DCAF6: variants seen among roughly 807,000 people sequenced by gnomAD.
DCAF6 encodes the protein DDB1- and CUL4-associated factor 6.
Under a neutral mutation model 125.1 loss-of-function variants are expected in DCAF6, and 54 were observed. That is an observed-to-expected ratio of 0.43 (90% CI 0.35 to 0.54). The LOEUF (loss-of-function observed/expected upper bound fraction) is 0.54. DCAF6 is among the 20% of genes least tolerant of loss of function. The pLI is 0.01. For synonymous variants in DCAF6, 371 were observed against 390.4 expected (o/e 0.95, Z 0.58); for missense variants, 934 against 1,161.7 (o/e 0.80, Z 2.85).
At chr1:167,868,271 G>A in the DCAF6 span, among the ~76,000 whole-genome samples, 3 of 152,254 alleles carry the variant, frequency 2.0e-5, no homozygotes, top group East Asian at 1.9e-4. Flanking sequence ...TAAGAAGCCC[G>A]AGAATTAGTG....
At chr1:167,958,741 T>G (rs1245170251) in intron 2 of DCAF6, among the ~76,000 whole-genome samples, 1 of 152,220 alleles carries the variant, frequency 6.6e-6, no homozygotes, top group Non-Finnish European at 1.5e-5. Flanking sequence ...AGAGCAGTTT[T>G]AGGTTCATAG....
chr1:168,005,737 G>T (rs1236188928), intron 10 of DCAF6, among the ~76,000 whole-genome samples: 2 of 152,092 alleles, frequency 1.3e-5, no homozygotes, highest in Non-Finnish European at 2.9e-5. Flanking sequence ...AATATGGGAT[G>T]TTTTAATTTA....
In DCAF6 at chr1:167,958,281, T is replaced by C. The variant is rs1675065413; in HGVS notation, c.159+6420T>C. The stretch of plus-strand genomic sequence containing the variant: ...TATAGTTTTAGCTCTTCTGTTTAGA[T>C]ATTTGATCTATTTTCAGTTAATTTT... On this transcript the variant is annotated intron_variant, in intron 2 of 21. Coordinates refer to ENST00000367840, the MANE Select transcript of DCAF6 (RefSeq NM_001198956.2). Among the ~76,000 whole-genome samples, 7 of 152,082 alleles carry C rather than the reference T, an allele frequency of 4.6e-5. No homozygotes were observed. The South Asian group carries it at 1.4e-3, about 31-fold the overall frequency.
At chr1:167,877,843 G>A in the DCAF6 span, among the ~76,000 whole-genome samples, 1 of 152,296 alleles carries the variant, frequency 6.6e-6, no homozygotes, top group African/African-American at 2.4e-5. Context: ...TTAGGTGGGT[G>A]CTGATGAGGA....
chr1:167,936,842 C>A lies in DCAF6; in HGVS notation c.-70C>A. The A allele has an allele frequency of 7.4e-7, 1 of 1,344,286 alleles. No individual in the cohort carries two copies. Among genetic ancestry groups the A allele is most frequent in the Non-Finnish European group, 1.0e-6 (1 of 965,644 alleles). 83.3% of individuals were successfully genotyped at this position (1,344,286 alleles called of 1,614,324 possible). On this transcript the variant is annotated 5_prime_UTR_variant, in exon 1 of 22. Coordinates refer to ENST00000367840, the MANE Select transcript of DCAF6 (RefSeq NM_001198956.2). Reference sequence around the variant, plus strand: ...TGCCGGTGCGGCTCGGGTGTTGAAACGGGTGTCCCCTCCCCCTCCTCCCCT... The same window carrying A: ...TGCCGGTGCGGCTCGGGTGTTGAAAAGGGTGTCCCCTCCCCCTCCTCCCCT...
chr1:167,878,798 A>G, the DCAF6 span, among the ~76,000 whole-genome samples: 2 of 152,234 alleles, frequency 1.3e-5, no homozygotes, highest in Non-Finnish European at 2.9e-5. Context: ...GCCAATGGCT[A>G]TTCACAAAAT....
intron 17 of DCAF6, among the ~76,000 whole-genome samples, chr1:168,051,991 C>T (rs1003777483): frequency 6.6e-6 from 1 of 152,016 alleles, no homozygotes; most frequent in African/African-American, 2.4e-5. Context: ...AGTGATTTTC[C>T]CGCCTCAGCC....
chr1:168,057,479 CTCCATTAAATGTTTCT>C (rs1452520900), intron 17 of DCAF6, among the ~76,000 whole-genome samples: 3 of 152,072 alleles, frequency 2.0e-5, no homozygotes, highest in African/African-American at 7.2e-5. Context: ...TACTCTTTTC[CTCCATTAAATGTTTCT>C]TCCAAATAGA....
Position 167,996,189 on chromosome 1 carries a change from T to C in DCAF6, c.903+2749T>C, listed in dbSNP as rs531242619. Among the ~76,000 whole-genome samples, 6 of 152,254 alleles carry C rather than the reference T, an allele frequency of 3.9e-5. No homozygotes were observed. In the East Asian group the frequency reaches 9.7e-4, roughly 24 times the overall value. ...CCTCTAATAATTTCTTTCATTTTTT[T>C]CCCCCTTCTTTCTTTGGTTCATTCT... On this transcript the variant is annotated intron_variant, in intron 7 of 21. Coordinates refer to ENST00000367840, the MANE Select transcript of DCAF6 (RefSeq NM_001198956.2).
the DCAF6 span, among the ~76,000 whole-genome samples, chr1:167,915,791 C>G: frequency 6.6e-6 from 1 of 152,106 alleles, no homozygotes. Flanking sequence ...TTACTGTGGA[C>G]CAGGCACTGT....
chr1:167,914,946 T>C, the DCAF6 span, among the ~76,000 whole-genome samples: 1 of 152,246 alleles, frequency 6.6e-6, no homozygotes, highest in Non-Finnish European at 1.5e-5. Context: ...GAGTGAATTT[T>C]CTGGTGTGAG....
At chr1:168,038,818 T>C (rs1211914535) in intron 13 of DCAF6, among the ~76,000 whole-genome samples, 1 of 152,014 alleles carries the variant, frequency 6.6e-6, no homozygotes, top group Non-Finnish European at 1.5e-5. Flanking sequence ...TGCAAAAATA[T>C]AAACATTTTG....
the DCAF6 span, among the ~76,000 whole-genome samples, chr1:167,916,044 T>A: frequency 7.0e-6 from 1 of 143,674 alleles, no homozygotes; most frequent in South Asian, 2.1e-4. Flanking sequence ...AACTCAACTA[T>A]ACTAATCGAT....
At chr1:167,995,681 GAA>G (rs200291600) in intron 7 of DCAF6, among the ~76,000 whole-genome samples, 44 of 85,354 alleles carry the variant, frequency 5.2e-4, no homozygotes, top group African/African-American at 1.6e-3. Flanking sequence ...CTCAGTCTCA[GAA>G]AAAAAAAAAA....
chr1:167,923,282 G>A, the DCAF6 span, among the ~76,000 whole-genome samples: 1 of 152,140 alleles, frequency 6.6e-6, no homozygotes, highest in Non-Finnish European at 1.5e-5. Flanking sequence ...CAGCAAAAAT[G>A]TGGAAGCAAA....
chr1:167,886,731 A>G, the DCAF6 span, among the ~76,000 whole-genome samples: 28 of 152,362 alleles, frequency 1.8e-4, no homozygotes, highest in East Asian at 5.2e-3. Flanking sequence ...TCTGAACAGC[A>G]AAAGAAATCA....
chr1:168,050,197 C>T (rs1371879973), intron 16 of DCAF6, among the ~76,000 whole-genome samples: 1 of 151,976 alleles, frequency 6.6e-6, no homozygotes, highest in East Asian at 1.9e-4. Flanking sequence ...TCCTATATTG[C>T]CCTTTAATAA....
chr1:167,898,531 G>A, the DCAF6 span, among the ~76,000 whole-genome samples: 2 of 152,004 alleles, frequency 1.3e-5, no homozygotes, highest in Non-Finnish European at 2.9e-5. Context: ...CCCGGGAGGC[G>A]GAGGTTGCAG....
chr1:168,051,293 A>C (rs942628687), intron 17 of DCAF6, among the ~76,000 whole-genome samples: 1 of 152,250 alleles, frequency 6.6e-6, no homozygotes, highest in Non-Finnish European at 1.5e-5. Context: ...AACAATTACC[A>C]ACTTTTTGTT....
Sources: allele counts gnomAD v4.1 joint callset (sites outside exome capture counted in the v4.1 genomes callset), GRCh38; gene constraint gnomAD v4.1.1; transcripts MANE v1.5; gene names NCBI Gene and HGNC (gene_info 2026-07-23, HGNC 2026-07-21).